The following SOX6 variants were observed in gnomAD, a reference collection of about 807,000 sequenced individuals.
SOX6 encodes SRY-box transcription factor 6, also known as transcription factor SOX-6.
A neutral mutation model predicts 97.8 loss-of-function variants in SOX6; 11 were observed. The ratio of observed to expected loss-of-function variants is 0.11; its 90% confidence interval spans 0.07 to 0.19. The LOEUF (loss-of-function observed/expected upper bound fraction) is 0.19. SOX6 is among the 10% of genes least tolerant of loss of function. The probability of loss-of-function intolerance (pLI) is 1.00; values close to 1 mark genes in which losing one functional copy is unlikely to be tolerated. For synonymous variants in SOX6, 360 were observed against 371.4 expected (o/e 0.97, Z 0.35); for missense variants, 810 against 1,039.5 (o/e 0.78, Z 3.04).
intron 1 of SOX6, among the ~76,000 whole-genome samples, chr11:16,382,645 G>A (rs921594974): frequency 8.6e-5 from 13 of 151,868 alleles, no homozygotes; most frequent in African/African-American, 3.1e-4. Context: ...CAACTTGGGG[G>A]AAAATTATCT....
At chr11:16,692,188 T>TC (rs1286170786) in intron 3 of SOX6, among the ~76,000 whole-genome samples, 2 of 152,018 alleles carry the variant, frequency 1.3e-5, no homozygotes, top group East Asian at 3.9e-4. Context: ...TTCTCCTGCC[T>TC]CAGCCCCTAG....
At chr11:16,709,866 C>T (rs1427132247) in intron 3 of SOX6, among the ~76,000 whole-genome samples, 1 of 152,162 alleles carries the variant, frequency 6.6e-6, no homozygotes, top group Admixed American at 6.5e-5. Context: ...GAAGAATGCA[C>T]CTTCCAAAGA....
chr11:16,391,580 C>G (rs1718766219), intron 1 of SOX6, among the ~76,000 whole-genome samples: 1 of 152,080 alleles, frequency 6.6e-6, no homozygotes, highest in Non-Finnish European at 1.5e-5. Context: ...CCTCCTCAGC[C>G]AGTCATTAAA....
At chr11:16,332,257 T>C (rs1324548239) in intron 2 of SOX6, among the ~76,000 whole-genome samples, 1 of 152,162 alleles carries the variant, frequency 6.6e-6, no homozygotes. Context: ...AGTTTAATCC[T>C]GGCTAACTCA....
At chr11:16,542,515 C>CT (rs1474703347) in intron 4 of SOX6, among the ~76,000 whole-genome samples, 1 of 152,052 alleles carries the variant, frequency 6.6e-6, no homozygotes, top group Non-Finnish European at 1.5e-5. Flanking sequence ...AAACAAATTT[C>CT]TAAAGCAGTT....
intron 12 of SOX6, among the ~76,000 whole-genome samples, chr11:16,034,716 C>T (rs1855472919): frequency 6.6e-6 from 1 of 152,160 alleles, no homozygotes; most frequent in Admixed American, 6.5e-5. Context: ...ACAGACAACA[C>T]ACATACACTG....
intron 3 of SOX6, among the ~76,000 whole-genome samples, chr11:16,254,498 A>G (rs560056963): frequency 6.6e-6 from 1 of 152,108 alleles, no homozygotes; most frequent in African/African-American, 2.4e-5. Context: ...AGAGGAATTC[A>G]GAATATTTTG....
chr11:16,588,044 A>G (rs887677451), intron 4 of SOX6, among the ~76,000 whole-genome samples: 3 of 152,180 alleles, frequency 2.0e-5, no homozygotes, highest in African/African-American at 7.2e-5. Context: ...ATGGAAATAT[A>G]CTCTATGAAA....
chr11:15,988,904 T>G, intron 14 of SOX6, 93 bp downstream of exon 14: 1 of 1,288,212 alleles, frequency 7.8e-7, no homozygotes, highest in Non-Finnish European at 1.1e-6. Context: ...CAATCTCCCT[T>G]AGGATCCTAG....
chr11:16,144,277 G>T (rs1207244850), intron 6 of SOX6, among the ~76,000 whole-genome samples: 1 of 152,192 alleles, frequency 6.6e-6, no homozygotes, highest in African/African-American at 2.4e-5. Flanking sequence ...AATGAAGGCA[G>T]AAATAAAGAT....
intron 3 of SOX6, among the ~76,000 whole-genome samples, chr11:16,646,874 T>C (rs1423009299): frequency 6.6e-6 from 1 of 152,224 alleles, no homozygotes; most frequent in Non-Finnish European, 1.5e-5. Flanking sequence ...TTTTGTATAA[T>C]GACTTATTTT....
At chr11:16,410,735 G>A (rs1858789416) in intron 1 of SOX6, among the ~76,000 whole-genome samples, 1 of 143,402 alleles carries the variant, frequency 7.0e-6, no homozygotes, top group Non-Finnish European at 1.5e-5. Context: ...CTCTAGCCTG[G>A]GCAACAGAGC....
intron 3 of SOX6, among the ~76,000 whole-genome samples, chr11:16,697,248 C>T (rs1848060626): frequency 6.6e-6 from 1 of 152,200 alleles, no homozygotes; most frequent in South Asian, 2.1e-4. Context: ...GAATCAACTT[C>T]TTTCAAACTC....
At chr11:16,461,479 A>G (rs188798381) in intron 1 of SOX6, among the ~76,000 whole-genome samples, 2 of 152,178 alleles carry the variant, frequency 1.3e-5, no homozygotes, top group Admixed American at 1.3e-4. Context: ...ATCACACTAA[A>G]TTTTCTAGCC....
At chr11:16,285,669 A>C (rs1854714051) in intron 3 of SOX6, among the ~76,000 whole-genome samples, 2 of 152,182 alleles carry the variant, frequency 1.3e-5, no homozygotes, top group Non-Finnish European at 2.9e-5. Flanking sequence ...CTGTGAACGA[A>C]TGAATGAAAA....
chr11:16,407,625 A>G (rs879097770), intron 1 of SOX6, among the ~76,000 whole-genome samples: 18 of 152,074 alleles, frequency 1.2e-4, no homozygotes, highest in African/African-American at 4.1e-4. Flanking sequence ...GTGGCAAGGG[A>G]AATACTATCC....
chr11:16,694,978 A>G (rs1848042504), intron 3 of SOX6, among the ~76,000 whole-genome samples: 2 of 152,248 alleles, frequency 1.3e-5, no homozygotes, highest in African/African-American at 2.4e-5. Flanking sequence ...TGTTAAATAC[A>G]TGGGAGGATG....
At position 16,605,495 on chromosome 11, in the gene SOX6, C is replaced by T. The variant is rs1216268663; in HGVS notation, n.609+6586G>A. On this transcript the variant is annotated intron_variant and non_coding_transcript_variant, in intron 4 of 5. Transcript: ENST00000524520. This position sits in a 1 kb window ranked among gnomAD's most constrained non-coding sequence, Gnocchi z 5.3. ...CGGGGGGAGGGGGAAGGAAGGGCGA[C>T]AAGCGGAGGGAGCTGGAGGCAACTC... is the stretch of plus-strand genomic sequence containing the variant. Among the ~76,000 whole-genome samples the T allele has an allele frequency of 1.3e-5, 2 of 152,090 alleles. No homozygotes were observed. The highest frequency in any genetic ancestry group is 2.9e-5 in the Non-Finnish European group (2 of 67,998).
At chr11:16,014,827 C>T in intron 13 of SOX6, 115 bp downstream of exon 13, 3 of 940,750 alleles carry the variant, frequency 3.2e-6, no homozygotes, top group Non-Finnish European at 5.0e-6. Flanking sequence ...CTTTGCTTTG[C>T]CTAAGAAATC....
Sources: allele counts gnomAD v4.1 joint callset (sites outside exome capture counted in the v4.1 genomes callset), GRCh38; gene constraint gnomAD v4.1.1; non-coding constraint Gnocchi (gnomAD v3.1); transcripts MANE v1.5; gene names NCBI Gene and HGNC (gene_info 2026-07-23, HGNC 2026-07-21).